Variants in ST7 observed in about 807,000 individuals in gnomAD.
The protein encoded by ST7 is suppressor of tumorigenicity 7 protein.
ST7 carries 28 observed loss-of-function variants against 78.7 expected under a neutral mutation model. The ratio of observed to expected loss-of-function variants is 0.36; its 90% CI spans 0.26 to 0.49. The LOEUF (loss-of-function observed/expected upper bound fraction) is 0.49. ST7 is among the 20% of genes least tolerant of loss of function. The probability of loss-of-function intolerance (pLI) is 0.99; values close to 1 mark genes in which losing one functional copy is unlikely to be tolerated. For missense variants in ST7, 418 were observed against 696.0 expected, an observed-to-expected ratio of 0.60 and a Z score of 4.49; for synonymous variants, 247 against 249.6, an observed-to-expected ratio of 0.99 and a Z score of 0.10.
At chr7:117,149,097 C>T (rs916895196) in intron 9 of ST7, among the ~76,000 whole-genome samples, 2 of 152,150 alleles carry the variant, frequency 1.3e-5, no homozygotes, top group Non-Finnish European at 2.9e-5. Context: ...GGACCGCTAT[C>T]TCTACTGCTT....
At chr7:117,133,588 G>T (rs1167728799) in intron 6 of ST7, among the ~76,000 whole-genome samples, 1 of 150,344 alleles carries the variant, frequency 6.7e-6, no homozygotes, top group East Asian at 2.0e-4. Flanking sequence ...TTACTTATTT[G>T]CCTTTGTGAC....
chr7:117,052,594 C>T (rs1481084915), intron 1 of ST7, among the ~76,000 whole-genome samples: 1 of 152,184 alleles, frequency 6.6e-6, no homozygotes, highest in Non-Finnish European at 1.5e-5. Context: ...CATTCTCTTC[C>T]AGTCTCTAAA....
At chr7:117,183,423 T>TAA (rs1206070788) in intron 10 of ST7, among the ~76,000 whole-genome samples, 1 of 142,384 alleles carries the variant, frequency 7.0e-6, no homozygotes, top group African/African-American at 2.6e-5. Context: ...AAACTCTGTC[T>TAA]AAAAAAAAAA....
At chr7:117,122,512 A>G (rs956715996) in intron 3 of ST7, among the ~76,000 whole-genome samples, 2 of 152,224 alleles carry the variant, frequency 1.3e-5, no homozygotes, top group Admixed American at 1.3e-4. Flanking sequence ...TGATAATATT[A>G]TCTACCAGTA....
chr7:117,106,658 T>G (rs1376830987), intron 2 of ST7, among the ~76,000 whole-genome samples: 1 of 149,254 alleles, frequency 6.7e-6, no homozygotes, highest in Non-Finnish European at 1.5e-5. Flanking sequence ...TCTTGCTCTG[T>G]TGCCCAGGCT....
chr7:117,143,219 G>A (rs969896519), intron 9 of ST7, among the ~76,000 whole-genome samples: 9 of 152,024 alleles, frequency 5.9e-5, no homozygotes, highest in African/African-American at 1.9e-4. Context: ...AGACTCTGGC[G>A]TTATCACCTT....
At position 117,190,908 on chromosome 7, in the gene ST7, C is replaced by A; in HGVS notation, c.1226C>A (p.Ala409Asp). Reference protein sequence around the residue: ...EMNAVEAIHRAVEFNPHVPKY... With the variant: ...EMNAVEAIHRDVEFNPHVPKY... ...AATGCAGTAGAGGCCATTCATAGAG[C>A]TGTGGAATTCAATCCTCATGTGCCA... Residue 409 changes from alanine to aspartate, a missense_variant, in exon 12 of 16, where the codon GCT becomes GAT. By Grantham distance (126) the Ala-to-Asp change is moderately radical. Coordinates refer to ENST00000323984, the MANE Select transcript of ST7 (RefSeq NM_001369598.1). The surrounding 1 kb of genome is among the most constrained non-coding windows in gnomAD (Gnocchi z 5.2). 1 of 1,614,022 alleles carries A rather than the reference C, an allele frequency of 6.2e-7. No homozygotes were observed. The highest frequency in any genetic ancestry group is 8.5e-7 in the Non-Finnish European group (1 of 1,179,916).
intron 12 of ST7, among the ~76,000 whole-genome samples, chr7:117,197,042 C>A (rs1435936788): frequency 6.6e-6 from 1 of 152,094 alleles, no homozygotes; most frequent in Non-Finnish European, 1.5e-5. Context: ...CTCTTTCCCA[C>A]CCGCTGACCC....
chr7:117,054,678 A>G (rs915146600), intron 1 of ST7, among the ~76,000 whole-genome samples: 1 of 152,298 alleles, frequency 6.6e-6, no homozygotes, highest in East Asian at 1.9e-4. Context: ...ATATGTCTTC[A>G]TGGGTGAAGA....
intron 9 of ST7, among the ~76,000 whole-genome samples, chr7:117,144,973 G>A (rs1805639567): frequency 6.6e-6 from 1 of 152,210 alleles, no homozygotes; most frequent in Middle Eastern, 3.4e-3. Context: ...CCGAGGCGGG[G>A]CAGATTGCTT....
intron 1 of ST7, among the ~76,000 whole-genome samples, chr7:117,044,639 T>A (rs2116317950): frequency 6.6e-6 from 1 of 152,288 alleles, no homozygotes; most frequent in South Asian, 2.1e-4. Context: ...ACCATTTCAT[T>A]CAGGGGAAAA....
rs1275971405 is a variant in ST7, at chr7:117,229,968, G to A, written c.*111G>A. ...CTTTGAAAAAGGGAAGCCATTCCGA[G>A]ATTTTAAAATGTTCATGGACTATTC... On this transcript the variant is annotated 3_prime_UTR_variant, in exon 16 of 16. Coordinates refer to ENST00000323984, the MANE Select transcript of ST7 (RefSeq NM_001369598.1). The A allele has an allele frequency of 3.0e-6, 3 of 993,452 alleles. No individual in the cohort carries two copies. Among genetic ancestry groups the A allele is most frequent in the South Asian group, 1.3e-5 (1 of 78,592 alleles). The allele number at this position is 993,452 out of a possible 1,614,324, so 61.5% of individuals were successfully genotyped here.
intron 12 of ST7, chr7:117,198,367 T>G: frequency 2.2e-6 from 1 of 455,934 alleles, no homozygotes; most frequent in Non-Finnish European, 4.4e-6. Context: ...AACAGGTGCT[T>G]CTTGGGCCAC....
intron 9 of ST7, among the ~76,000 whole-genome samples, chr7:117,168,272 G>A (rs467): frequency 0.087 from 13,298 of 152,162 alleles, 901 homozygotes; most frequent in East Asian, 0.2. Context: ...TCATGTTTGC[G>A]TATGCGGTCT....
chr7:117,076,163 G>A (rs1799322948), intron 1 of ST7, among the ~76,000 whole-genome samples: 1 of 152,188 alleles, frequency 6.6e-6, no homozygotes, highest in Non-Finnish European at 1.5e-5. Flanking sequence ...GGCAATACTT[G>A]CCACCTTAGT....
At chr7:117,029,207 C>G (rs749503922) in intron 1 of ST7, among the ~76,000 whole-genome samples, 4 of 152,162 alleles carry the variant, frequency 2.6e-5, no homozygotes, top group Non-Finnish European at 5.9e-5. Context: ...GTTTTACATT[C>G]CCACTAGCAA....
At chr7:117,027,463 A>AAAAATT (rs138336028) in intron 1 of ST7, among the ~76,000 whole-genome samples, 4,586 of 140,720 alleles carry the variant, frequency 0.033, 248 homozygotes, top group African/African-American at 0.12. Context: ...AAAGTAAAGT[A>AAAAATT]AAAGTAAAGT....
chr7:117,026,663 C>T (rs1343456595), intron 1 of ST7, among the ~76,000 whole-genome samples: 7 of 152,306 alleles, frequency 4.6e-5, no homozygotes, highest in Admixed American at 4.6e-4. Flanking sequence ...CATGGCTCTA[C>T]CGTGTACTAC....
intron 5 of ST7, 111 bp downstream of exon 5, chr7:117,130,717 A>T (rs1163383286): frequency 2.7e-5 from 18 of 667,702 alleles, no homozygotes. Context: ...AAAATATTAA[A>T]TTGTTGATTG....
Sources: gnomAD v4.1 joint callset for allele counts (sites outside exome capture counted in the v4.1 genomes callset) on GRCh38, gnomAD v4.1.1 for gene constraint, Gnocchi (gnomAD v3.1) non-coding constraint, MANE v1.5 for transcripts, NCBI Gene and HGNC (gene_info 2026-07-23, HGNC 2026-07-21) for gene names.